The following MAD2L2 variants were observed in gnomAD, a reference collection of about 807,000 sequenced individuals.
The protein encoded by MAD2L2 is mitotic spindle assembly checkpoint protein MAD2B.
Under a neutral mutation model 30.5 loss-of-function variants are expected in MAD2L2, and 17 were observed. That is an observed-to-expected ratio of 0.56 (90% confidence interval 0.38 to 0.84). The LOEUF (loss-of-function observed/expected upper bound fraction) is 0.84, where lower values mean the gene tolerates loss of function less well. MAD2L2 is among the 40% of genes least tolerant of loss of function. MAD2L2 has a pLI of 0.00. For missense variants in MAD2L2, 213 were observed against 277.4 expected, an observed-to-expected ratio of 0.77 and a Z score of 1.65; for synonymous variants, 101 against 113.9, an observed-to-expected ratio of 0.89 and a Z score of 0.72.
At chr1:11,681,466 T>G (rs1640879521), upstream of MAD2L2, 1 of 152,152 alleles carries the variant, frequency 6.6e-6, no homozygotes, top group Non-Finnish European at 1.5e-5. Flanking sequence ...AGCGCGCAGC[T>G]GGGGACTAAC....
In MAD2L2 at chr1:11,674,707, G is replaced by A; in HGVS notation, c.*68C>T. The A allele has an allele frequency of 1.3e-6, 2 of 1,495,978 alleles. No homozygotes were observed. Among genetic ancestry groups the A allele is most frequent in the Non-Finnish European group, 1.9e-6 (2 of 1,075,376 alleles). The allele number at this position is 1,495,978 out of a possible 1,614,324, so 92.7% of individuals were successfully genotyped here. The stretch of plus-strand genomic sequence containing the variant: ...CACTTGGAATCAGGGCAGCCATGCA[G>A]CACTGCCCTAGGCGGGGATCCCCCA... On this transcript the variant is annotated 3_prime_UTR_variant, in exon 9 of 9. Transcript: ENST00000376692. This position sits in a 1 kb window ranked among gnomAD's most constrained non-coding sequence, Gnocchi z 6.1.
upstream of MAD2L2, among the ~76,000 whole-genome samples, chr1:11,684,930 T>TC: frequency 5.4e-5 from 1 of 18,458 alleles, no homozygotes; most frequent in African/African-American, 1.1e-4. Context: ...CTCTCTCTCT[T>TC]TTTTTTTTTT....
chr1:11,675,079 C>T lies in MAD2L2; in HGVS notation c.594+3G>A, dbSNP rs186015104. On this transcript the variant is annotated splice_donor_region_variant and intron_variant, in intron 8 of 8. Coordinates refer to ENST00000376692, the MANE Select transcript of MAD2L2 (RefSeq NM_006341.4). Reference sequence around the variant, plus strand: ...AAGCTTCCCGGGTCCCCACGAAGCTCACCTTTAAAATGTCCGACGTCATGG... The same window carrying T: ...AAGCTTCCCGGGTCCCCACGAAGCTTACCTTTAAAATGTCCGACGTCATGG... 2 of 1,580,040 alleles carry T rather than the reference C, an allele frequency of 1.3e-6. No individual in the cohort carries two copies. The highest frequency in any genetic ancestry group is 1.4e-5 in the African/African-American group (1 of 73,760).
chr1:11,686,807 TAAAAA>T (rs560855200), intron 1 of MAD2L2, among the ~76,000 whole-genome samples: 3 of 104,488 alleles, frequency 2.9e-5, no homozygotes, highest in Non-Finnish European at 3.9e-5. Context: ...ACTGCCACTT[TAAAAA>T]AAAAAAAAAA....
intron 5 of MAD2L2, 152 bp from the exon 6 acceptor site, chr1:11,676,292 A>G: frequency 3.4e-6 from 2 of 593,698 alleles, no homozygotes; most frequent in South Asian, 2.1e-5. Flanking sequence ...GGTCCACACA[A>G]TTAAACCAGC....
chr1:11,674,671 G>A lies in MAD2L2; in HGVS notation c.*104C>T, dbSNP rs1273847501. 3.2e-6 allele frequency: 4 copies of A among 1,239,344 alleles called. No individual in the cohort carries two copies. Among genetic ancestry groups the A allele is most frequent in the African/African-American group, 1.5e-5 (1 of 67,852 alleles). 76.8% of individuals were successfully genotyped at this position (1,239,344 alleles called of 1,614,324 possible). A position where few individuals can be genotyped will look rare whatever the true frequency, so the allele number is the denominator to read the frequency against. On this transcript the variant is annotated 3_prime_UTR_variant, in exon 9 of 9. Coordinates refer to ENST00000376692, the MANE Select transcript of MAD2L2 (RefSeq NM_006341.4). The surrounding 1 kb of genome is among the most constrained non-coding windows in gnomAD (Gnocchi z 6.1). ...CTGGGGCGGGCGATCCACACACAGA[G>A]GCGATAAGAGCACTTGGAATCAGGG...
At chr1:11,681,208 C>T (rs944501762), upstream of MAD2L2, 4 of 152,264 alleles carry the variant, frequency 2.6e-5, no homozygotes, top group Admixed American at 6.5e-5. Context: ...CGCCCATTCC[C>T]GCACGGCCCA....
chr1:11,677,922 G>C (rs960896388), intron 3 of MAD2L2, among the ~76,000 whole-genome samples: 3 of 151,872 alleles, frequency 2.0e-5, no homozygotes, highest in Non-Finnish European at 4.4e-5. Flanking sequence ...GCCGGGCATG[G>C]TGGCAGGCAC....
At position 11,676,876 on chromosome 1, in the gene MAD2L2, T is replaced by G. The variant is rs1159212810; in HGVS notation, c.304A>C (p.Ile102Leu). ...HRPVEKFVFE[I>L]TQPPLLSISS... ...ATGGACAGCAGTGGAGGCTGGGTGA[T>G]CTCAAAGACGAATTTCTCCACTGGG... The change falls in exon 5 of 9, where the codon ATC becomes CTC. Residue 102 changes from isoleucine (I) to leucine (L), a missense_variant. Transcript: ENST00000376692. 6 of 1,614,060 alleles carry G rather than the reference T, an allele frequency of 3.7e-6. No individual in the cohort carries two copies. Among genetic ancestry groups the G allele is most frequent in the Admixed American group, 1.7e-5 (1 of 60,012 alleles).
chr1:11,676,238 G>A (rs1044207545), intron 5 of MAD2L2, 98 bp from the exon 6 acceptor site: 4 of 712,756 alleles, frequency 5.6e-6, no homozygotes, highest in Non-Finnish European at 9.4e-6. Context: ...ACCCCCTCCA[G>A]TGCCTGTGAG....
At position 11,677,914 on chromosome 1, in the gene MAD2L2, C is replaced by T. The variant is rs28924104; in HGVS notation, c.160-300G>A. Among the ~76,000 whole-genome samples the T allele has an allele frequency of 2.5e-4, 38 of 151,814 alleles. 1 individual carries two copies. The East Asian group carries it at 7.4e-3, about 29-fold the overall frequency. ...CTCTACTAAAAATACAAAAATTAGC[C>T]GGGCATGGTGGCAGGCACCTTAGTC... On this transcript the variant is annotated intron_variant, in intron 3 of 8. Transcript: ENST00000376692.
intron 7 of MAD2L2, 106 bp downstream of exon 7, chr1:11,675,552 C>T (rs1640748261): frequency 4.5e-6 from 5 of 1,121,762 alleles, no homozygotes; most frequent in South Asian, 3.8e-5. Context: ...GGCGCTGCCA[C>T]ACCAATGTAA....
At position 11,680,564 on chromosome 1, in the gene MAD2L2, T is replaced by A; in HGVS notation, c.38A>T (p.Gln13Leu). 6.2e-7 allele frequency: 1 copy of A among 1,601,540 alleles called. No individual in the cohort carries two copies. Among genetic ancestry groups the A allele is most frequent in the East Asian group, 2.2e-5 (1 of 44,510 alleles). The part of the protein sequence containing the change: ...TLTRQDLNFG[Q>L]VVADVLCEFL... ...GCCCGCAGGTCCAGCCTCCCTACCT[T>A]GGCCAAAGTTGAGGTCTTGTCGTGT... The change falls in exon 2 of 9, where the codon CAA (glutamine) becomes CTA (leucine). Residue 13 changes from glutamine (Q) to leucine (L), a missense_variant and splice_region_variant. Transcript: ENST00000376692.
chr1:11,687,396 C>T lies in MAD2L2; in HGVS notation c.-692+4017G>A, dbSNP rs1327633446. 2.0e-5 allele frequency among the ~76,000 whole-genome samples: 3 copies of T among 152,180 alleles called. No homozygotes were observed. The highest frequency in any genetic ancestry group is 2.0e-4 in the Admixed American group (3 of 15,264). Reference sequence around the variant, plus strand: ...CTGGGACTACAGGCGACCTCCATCACGCTTGGCTAATTTTTAAATTTTTAG... The same window carrying T: ...CTGGGACTACAGGCGACCTCCATCATGCTTGGCTAATTTTTAAATTTTTAG... On this transcript the variant is annotated intron_variant, in intron 1 of 10. Transcript: ENST00000235310. This position sits in a 1 kb window ranked among gnomAD's most constrained non-coding sequence, Gnocchi z 4.1.
At chr1:11,675,525 G>A (rs2100705890) in intron 7 of MAD2L2, 133 bp downstream of exon 7, 1 of 870,032 alleles carries the variant, frequency 1.1e-6, no homozygotes, top group African/African-American at 1.6e-5. Context: ...ACAGGCCTGA[G>A]GACCTGCTGG....
chr1:11,683,435 A>G (rs796155987), upstream of MAD2L2, among the ~76,000 whole-genome samples: 23 of 152,174 alleles, frequency 1.5e-4, 1 homozygote, highest in African/African-American at 5.5e-4. Context: ...TGCAAATATC[A>G]TATGTTCTCA....
chr1:11,675,223 T>G (rs1410196191), intron 7 of MAD2L2, 49 bp from the exon 8 acceptor site: 1 of 1,320,320 alleles, frequency 7.6e-7, no homozygotes, highest in East Asian at 2.3e-5. Context: ...GGCCCTGGCC[T>G]GCCCTCACTT....
At chr1:11,689,253 C>T (rs1042766738) in intron 1 of MAD2L2, among the ~76,000 whole-genome samples, 4 of 139,450 alleles carry the variant, frequency 2.9e-5, no homozygotes, top group Non-Finnish European at 4.5e-5. Flanking sequence ...CGAGACTGTG[C>T]CACTATACAA....
At chr1:11,686,327 T>C (rs1640954891) in intron 1 of MAD2L2, among the ~76,000 whole-genome samples, 1 of 152,192 alleles carries the variant, frequency 6.6e-6, no homozygotes, top group Non-Finnish European at 1.5e-5. Flanking sequence ...CTGAGATGGC[T>C]TCCGACACTT....
Sources: allele counts gnomAD v4.1 joint callset (sites outside exome capture counted in the v4.1 genomes callset), GRCh38; gene constraint gnomAD v4.1.1; non-coding constraint Gnocchi (gnomAD v3.1); transcripts MANE v1.5; gene names NCBI Gene and HGNC (gene_info 2026-07-23, HGNC 2026-07-21).